Variants in TCF12 observed in about 807,000 individuals in gnomAD.
The protein encoded by TCF12 is transcription factor 12.
Under a neutral mutation model 86.0 loss-of-function variants are expected in TCF12, and 45 were observed. The observed-to-expected ratio is 0.52, with a 90% CI of 0.41 to 0.67. The LOEUF is 0.67. Ranked by LOEUF, TCF12 falls within the 30% of genes least tolerant of loss-of-function variation. TCF12 has a pLI of 0.00. For synonymous variants in TCF12, 330 were observed against 299.6 expected, an observed-to-expected ratio of 1.10 and a Z score of -1.05; for missense variants, 881 against 859.9, an observed-to-expected ratio of 1.02 and a Z score of -0.31.
Position 57,288,934 on chromosome 15 carries a change from A to G in TCF12, c.*2789A>G, listed in dbSNP as rs573639308. 45 of 152,290 alleles carry G rather than the reference A, an allele frequency of 3.0e-4. No individual in the cohort carries two copies. The highest frequency in any genetic ancestry group is 1.0e-3 in the African/African-American group (43 of 41,548). 9.4% of individuals were successfully genotyped at this position (152,290 alleles called of 1,614,324 possible). A position where few individuals can be genotyped will look rare whatever the true frequency, so the allele number is the denominator to read the frequency against. On this transcript the variant is annotated 3_prime_UTR_variant, in exon 21 of 21. Transcript: ENST00000333725. ...ACAAAAAAAGTGTCATAATTAAGTA[A>G]TGGTATTGTTTACTGTTTAAAAGTT...
At chr15:57,244,633 T>C (rs763407765) in intron 13 of TCF12, among the ~76,000 whole-genome samples, 8 of 152,248 alleles carry the variant, frequency 5.3e-5, no homozygotes, top group Non-Finnish European at 1.0e-4. Context: ...CTAATTTTTG[T>C]ATTTTTTTGT....
intron 5 of TCF12, among the ~76,000 whole-genome samples, chr15:57,141,499 G>A (rs1242871629): frequency 1.3e-5 from 2 of 152,062 alleles, no homozygotes; most frequent in African/African-American, 2.4e-5. Flanking sequence ...ACAGGCATGC[G>A]CCACCACGCC....
At chr15:57,071,698 T>C (rs1053764150) in intron 4 of TCF12, among the ~76,000 whole-genome samples, 6 of 152,228 alleles carry the variant, frequency 3.9e-5, no homozygotes, top group Admixed American at 1.3e-4. Flanking sequence ...GGAGATGCTG[T>C]AATTAGGCAA....
chr15:57,052,699 T>C lies in TCF12; in HGVS notation c.149-11051T>C, dbSNP rs528969393. Among the ~76,000 whole-genome samples the C allele has an allele frequency of 8.5e-5, 13 of 152,130 alleles. 1 individual carries two copies. The highest frequency in any genetic ancestry group is 2.7e-4 in the African/African-American group (11 of 41,508). On this transcript the variant is annotated intron_variant, in intron 3 of 20. Coordinates refer to ENST00000333725, the MANE Select transcript of TCF12 (RefSeq NM_207037.2). ...TCTGCTACTAGAAAACTTGTCCTTA[T>C]GTTAAGTAACAGTGTCATGTTATTT... is the stretch of plus-strand genomic sequence containing the variant.
intron 6 of TCF12, among the ~76,000 whole-genome samples, chr15:57,187,175 CAAA>C (rs55886942): frequency 1.4e-4 from 20 of 141,188 alleles, no homozygotes; most frequent in Admixed American, 1.4e-4. Flanking sequence ...AGACTGTCTC[CAAA>C]AAAAAAAAAA....
intron 3 of TCF12, among the ~76,000 whole-genome samples, chr15:57,029,686 A>G (rs574219287): frequency 5.0e-4 from 76 of 152,330 alleles, no homozygotes; most frequent in Non-Finnish European, 9.7e-4. Context: ...GTCAAGATAT[A>G]TATAGTTCTG....
chr15:56,985,758 G>C (rs1366523594), intron 3 of TCF12, among the ~76,000 whole-genome samples: 8 of 152,024 alleles, frequency 5.3e-5, no homozygotes, highest in African/African-American at 1.9e-4. Flanking sequence ...AGCTCATGAA[G>C]CCTATTACAA....
Position 57,095,071 on chromosome 15 carries a change from T to C in TCF12, c.325+3180T>C, listed in dbSNP as rs948707166. On this transcript the variant is annotated intron_variant, in intron 5 of 20. Transcript: ENST00000333725. ...AATCAGTTAATGTTTCTTTTATGAA[T>C]TGCAGAAATCTCCTGTGGATATGTC... is the stretch of plus-strand genomic sequence containing the variant. Among the ~76,000 whole-genome samples the C allele has an allele frequency of 2.0e-5, 3 of 152,242 alleles. No homozygotes were observed. In the East Asian group the frequency reaches 5.8e-4, roughly 29 times the overall value.
chr15:57,132,548 C>T (rs895499020), intron 5 of TCF12, among the ~76,000 whole-genome samples: 1 of 152,128 alleles, frequency 6.6e-6, no homozygotes, highest in African/African-American at 2.4e-5. Context: ...ATTGATGTTC[C>T]TAATGGAATC....
chr15:57,192,439 A>G (rs1245896957), intron 7 of TCF12, 146 bp downstream of exon 7: 25 of 1,170,822 alleles, frequency 2.1e-5, no homozygotes, highest in Non-Finnish European at 2.8e-5. Flanking sequence ...CCCATGCAGG[A>G]ATGCAACAGC....
rs553909057 is a variant in TCF12 at position 57,154,811 on chromosome 15, CTAAT to C, written c.326-11587_326-11584del. 2.4e-3 allele frequency among the ~76,000 whole-genome samples: 371 copies of C among 152,152 alleles called. 2 individuals carry two copies. The highest frequency in any genetic ancestry group is 3.9e-3 in the Admixed American group (60 of 15,282). Reference sequence around the variant, plus strand: ...GCCTAGAATCTAATTTTTTTCTCTTCTAATTAAGACTTTGTCCTTAAGCATGAAT... The same window carrying C: ...GCCTAGAATCTAATTTTTTTCTCTTCTAAGACTTTGTCCTTAAGCATGAAT... On this transcript the variant is annotated intron_variant, in intron 5 of 20. Coordinates refer to ENST00000333725, the MANE Select transcript of TCF12 (RefSeq NM_207037.2).
intron 3 of TCF12, among the ~76,000 whole-genome samples, chr15:56,958,096 T>G (rs916865138): frequency 6.6e-6 from 1 of 152,198 alleles, no homozygotes; most frequent in African/African-American, 2.4e-5. Flanking sequence ...TCAGGTAGTT[T>G]CCTCAAATGC....
chr15:57,269,466 G>A (rs1478281226), intron 18 of TCF12, among the ~76,000 whole-genome samples: 2 of 141,236 alleles, frequency 1.4e-5, no homozygotes, highest in Non-Finnish European at 3.0e-5. Context: ...GCATGAAGTG[G>A]GTCTCCTGAA....
At chr15:57,195,424 G>C (rs1347044039) in intron 7 of TCF12, among the ~76,000 whole-genome samples, 1 of 152,210 alleles carries the variant, frequency 6.6e-6, no homozygotes. Flanking sequence ...GGTAGGGGCA[G>C]TTCAGTTGAC....
chr15:56,942,625 A>G (rs1170329992), intron 3 of TCF12, among the ~76,000 whole-genome samples: 1 of 125,690 alleles, frequency 8.0e-6, no homozygotes, highest in East Asian at 2.3e-4. Context: ...TAAGATGAAC[A>G]AGTTGCTTTA....
intron 19 of TCF12, among the ~76,000 whole-genome samples, chr15:57,278,057 T>A (rs191143862): frequency 1.1e-4 from 16 of 152,020 alleles, no homozygotes; most frequent in Admixed American, 6.5e-4. Flanking sequence ...GGTCTCAAAC[T>A]CCTAGCACAA....
intron 4 of TCF12, among the ~76,000 whole-genome samples, chr15:57,071,373 G>T (rs558294781): frequency 6.6e-6 from 1 of 151,948 alleles, no homozygotes; most frequent in Non-Finnish European, 1.5e-5. Context: ...AAAAAAAGTT[G>T]CTGGTTCACA....
chr15:56,955,214 T>G (rs930897542), intron 3 of TCF12, among the ~76,000 whole-genome samples: 2 of 152,188 alleles, frequency 1.3e-5, no homozygotes, highest in African/African-American at 2.4e-5. Context: ...TGGAATACTA[T>G]GCAGCCATAA....
At chr15:57,243,951 C>A (rs1454543716) in intron 13 of TCF12, among the ~76,000 whole-genome samples, 1 of 151,668 alleles carries the variant, frequency 6.6e-6, no homozygotes, top group Non-Finnish European at 1.5e-5. Flanking sequence ...TGGTCTTGGC[C>A]CACTGCAGCC....
Sources: allele counts gnomAD v4.1 joint callset (sites outside exome capture counted in the v4.1 genomes callset), GRCh38; gene constraint gnomAD v4.1.1; transcripts MANE v1.5; gene names NCBI Gene and HGNC (gene_info 2026-07-23, HGNC 2026-07-21).